The following ENPP1 variants were observed in gnomAD, a reference collection of about 807,000 sequenced individuals.
ENPP1 encodes ectonucleotide pyrophosphatase/phosphodiesterase family member 1.
In ENPP1, 73 loss-of-function variants were observed where a neutral mutation model predicts 122.8. That is an observed-to-expected ratio of 0.59 (90% confidence interval 0.49 to 0.72). The LOEUF is 0.72. Among genes scored for constraint, ENPP1 ranks in the 30% least tolerant of loss-of-function variants. The probability of loss-of-function intolerance (pLI) is 0.00; values close to 1 mark genes in which losing one functional copy is unlikely to be tolerated. For missense variants in ENPP1, 978 were observed against 1,128.1 expected, an observed-to-expected ratio of 0.87 and a Z score of 1.91; for synonymous variants, 367 against 391.6, an observed-to-expected ratio of 0.94 and a Z score of 0.74.
intron 20 of ENPP1, 54 bp downstream of exon 20, chr6:131,880,088 G>A: frequency 1.3e-6 from 2 of 1,512,370 alleles, no homozygotes; most frequent in Non-Finnish European, 9.2e-7. Context: ...TGATTAAGCA[G>A]AACATTAAAT....
At chr6:131,845,451 G>GTTTTTTTTTTTTTTT (rs34638422) in intron 1 of ENPP1, among the ~76,000 whole-genome samples, 1 of 133,094 alleles carries the variant, frequency 7.5e-6, no homozygotes, top group African/African-American at 2.7e-5. Context: ...GTTTTGGCTT[G>GTTTTTTTTTTTTTTT]TTTTTTTTTT....
At chr6:131,827,342 A>C in intron 1 of ENPP1, 21 of 1,187,672 alleles carry the variant, frequency 1.8e-5, no homozygotes, top group Non-Finnish European at 2.5e-5. Context: ...TCTTGACATC[A>C]GGGATGTCAC....
At chr6:131,878,414 C>CCACTA (rs1199268921) in intron 18 of ENPP1, 128 bp from the exon 19 acceptor site, 5 of 711,400 alleles carry the variant, frequency 7.0e-6, no homozygotes, top group Non-Finnish European at 1.0e-5. Flanking sequence ...AAAAAAAAAT[C>CCACTA]CACTAATACA....
chr6:131,815,232 T>C (rs564100715), intron 1 of ENPP1, among the ~76,000 whole-genome samples: 1 of 152,314 alleles, frequency 6.6e-6, no homozygotes, highest in South Asian at 2.1e-4. Flanking sequence ...GTGAACATTC[T>C]CTCAGGTACA....
At chr6:131,853,965 G>A (rs997110251) in intron 5 of ENPP1, among the ~76,000 whole-genome samples, 1 of 152,098 alleles carries the variant, frequency 6.6e-6, no homozygotes. Flanking sequence ...TTAACTGTTT[G>A]TATATGTATG....
chr6:131,826,254 G>C, intron 1 of ENPP1: 1 of 1,002,222 alleles, frequency 1.0e-6, no homozygotes, highest in Non-Finnish European at 1.6e-6. Flanking sequence ...GCATCTCACT[G>C]TTGTTGTTGG....
chr6:131,824,923 C>T (rs9375828), intron 1 of ENPP1, among the ~76,000 whole-genome samples: 2 of 151,422 alleles, frequency 1.3e-5, no homozygotes, highest in African/African-American at 2.4e-5. Context: ...AGCCTGTTGT[C>T]GTGGCACACA....
Position 131,892,178 on chromosome 6 carries a change from G to A in ENPP1, c.*1667G>A, listed in dbSNP as rs1782479777. ...TTTTTCCATTCGGAAACATTTTCCT[G>A]TTTCTTGGTGTGTGGAATGATTTTT... On this transcript the variant is annotated 3_prime_UTR_variant, in exon 25 of 25. Coordinates refer to ENST00000647893, the MANE Select transcript of ENPP1 (RefSeq NM_006208.3). 1 of 151,928 alleles carries A rather than the reference G, an allele frequency of 6.6e-6. No individual in the cohort carries two copies. The highest frequency in any genetic ancestry group is 6.6e-5 in the Admixed American group (1 of 15,246). The allele number at this position is 151,928 out of a possible 1,614,324, so 9.4% of individuals were successfully genotyped here.
intron 4 of ENPP1, 49 bp downstream of exon 4, chr6:131,851,316 T>C (rs774387001): frequency 8.7e-6 from 14 of 1,613,036 alleles, no homozygotes; most frequent in Non-Finnish European, 1.2e-5. Context: ...TCCAGCGTCT[T>C]AGCGGGGCTT....
intron 11 of ENPP1, among the ~76,000 whole-genome samples, chr6:131,867,430 A>G (rs1474378530): frequency 6.6e-6 from 1 of 152,206 alleles, no homozygotes; most frequent in African/African-American, 2.4e-5. Flanking sequence ...AAATACATGC[A>G]GTTTGTAAGG....
chr6:131,828,362 A>G, intron 1 of ENPP1: 1 of 412,258 alleles, frequency 2.4e-6, no homozygotes, highest in Non-Finnish European at 4.8e-6. Flanking sequence ...AAGATGTGAT[A>G]AGATGACTGG....
At chr6:131,817,751 C>CCTTACA in intron 1 of ENPP1, among the ~76,000 whole-genome samples, 1 of 54,004 alleles carries the variant, frequency 1.9e-5, no homozygotes, top group Non-Finnish European at 3.4e-5. Flanking sequence ...TTCTCTCTCT[C>CCTTACA]CATACACACA....
intron 1 of ENPP1, among the ~76,000 whole-genome samples, chr6:131,824,588 G>A (rs985792088): frequency 6.6e-6 from 1 of 152,074 alleles, no homozygotes; most frequent in African/African-American, 2.4e-5. Context: ...CCGAGTAGCT[G>A]GGATTATAGG....
chr6:131,876,928 C>A, intron 17 of ENPP1, 64 bp from the exon 18 acceptor site: 1 of 1,480,128 alleles, frequency 6.8e-7, no homozygotes, highest in Non-Finnish European at 9.4e-7. Flanking sequence ...AAGATCATGG[C>A]ACAAGTCTAC....
At chr6:131,852,349 C>T in intron 5 of ENPP1, 114 bp downstream of exon 5, 1 of 711,440 alleles carries the variant, frequency 1.4e-6, no homozygotes, top group East Asian at 2.8e-5. Context: ...TTAAACATTA[C>T]AGGTTGAGTA....
At chr6:131,829,902 T>G (rs959591528) in intron 1 of ENPP1, among the ~76,000 whole-genome samples, 4 of 152,182 alleles carry the variant, frequency 2.6e-5, no homozygotes, top group Non-Finnish European at 5.9e-5. Context: ...CCTCCCACCC[T>G]CCAATGTTCT....
chr6:131,838,654 A>G (rs1360913899), intron 1 of ENPP1, among the ~76,000 whole-genome samples: 1 of 151,830 alleles, frequency 6.6e-6, no homozygotes, highest in Non-Finnish European at 1.5e-5. Context: ...AAATAAGAGT[A>G]AGACCAGAAA....
At chr6:131,824,812 G>A (rs976042799) in intron 1 of ENPP1, among the ~76,000 whole-genome samples, 2 of 151,890 alleles carry the variant, frequency 1.3e-5, no homozygotes, top group Admixed American at 6.6e-5. Flanking sequence ...TGTAATCCCA[G>A]CACTTTGGGA....
chr6:131,822,473 C>T (rs1431118145), intron 1 of ENPP1, among the ~76,000 whole-genome samples: 1 of 151,770 alleles, frequency 6.6e-6, no homozygotes. Context: ...TATAAAAATA[C>T]TATCTATTGC....
Sources: gnomAD v4.1 joint callset for allele counts (sites outside exome capture counted in the v4.1 genomes callset) on GRCh38, gnomAD v4.1.1 for gene constraint, MANE v1.5 for transcripts, NCBI Gene and HGNC (gene_info 2026-07-23, HGNC 2026-07-21) for gene names.